ERBB4: variants seen among roughly 807,000 people sequenced by gnomAD.
The protein encoded by ERBB4 is erb-b2 receptor tyrosine kinase 4, also known as receptor tyrosine-protein kinase erbB-4.
Under a neutral mutation model 158.0 loss-of-function variants are expected in ERBB4, and 42 were observed. The ratio of observed to expected loss-of-function variants is 0.27; its 90% confidence interval spans 0.21 to 0.34. ERBB4 has a LOEUF of 0.34. ERBB4 is among the 10% of genes least tolerant of loss of function. The probability of loss-of-function intolerance (pLI) is 1.00; values close to 1 mark genes in which losing one functional copy is unlikely to be tolerated. For missense variants in ERBB4, 1,333 were observed against 1,624.1 expected, an observed-to-expected ratio of 0.82 and a Z score of 3.08; for synonymous variants, 583 against 558.7, an observed-to-expected ratio of 1.04 and a Z score of -0.61.
At chr2:212,130,293 T>C (rs2080071264) in intron 1 of ERBB4, among the ~76,000 whole-genome samples, 1 of 152,166 alleles carries the variant, frequency 6.6e-6, no homozygotes, top group Non-Finnish European at 1.5e-5. Context: ...GGAGTAAAGC[T>C]GGATGTGAGG....
At chr2:211,810,438 T>C (rs975509230) in intron 3 of ERBB4, among the ~76,000 whole-genome samples, 2 of 152,206 alleles carry the variant, frequency 1.3e-5, no homozygotes, top group African/African-American at 4.8e-5. Context: ...CCTTTACCAT[T>C]ATGTAATGGC....
At chr2:211,936,327 T>C (rs1436079508) in intron 3 of ERBB4, among the ~76,000 whole-genome samples, 1 of 152,062 alleles carries the variant, frequency 6.6e-6, no homozygotes, top group Non-Finnish European at 1.5e-5. Context: ...TCAACACTAC[T>C]AATAATATAA....
At chr2:211,413,481 C>CAAAG (rs1050677044) in intron 25 of ERBB4, among the ~76,000 whole-genome samples, 1 of 152,018 alleles carries the variant, frequency 6.6e-6, no homozygotes, top group African/African-American at 2.4e-5. Flanking sequence ...AGCATCATGT[C>CAAAG]AAAGATACCA....
chr2:212,487,680 G>C (rs1233167267), intron 1 of ERBB4, among the ~76,000 whole-genome samples: 3 of 151,564 alleles, frequency 2.0e-5, no homozygotes, highest in African/African-American at 4.8e-5. Flanking sequence ...AGAAATGAGA[G>C]GCTAAAGGAA....
intron 20 of ERBB4, among the ~76,000 whole-genome samples, chr2:211,496,235 T>G (rs190558519): frequency 4.1e-4 from 63 of 152,130 alleles, no homozygotes; most frequent in Non-Finnish European, 7.9e-4. Flanking sequence ...TATATACTGT[T>G]TCTAGGTTTT....
At chr2:211,996,599 A>G (rs1027429995) in intron 2 of ERBB4, among the ~76,000 whole-genome samples, 3 of 152,196 alleles carry the variant, frequency 2.0e-5, no homozygotes, top group Non-Finnish European at 4.4e-5. Flanking sequence ...AATTAAAAAA[A>G]TTAAAAATAT....
chr2:211,424,112 T>C lies in ERBB4; in HGVS notation c.2866+43A>G, dbSNP rs762936857. ...GATTGAGTAATCTCTGCTATTACTT[T>C]ACTAAGAATGATGATGGTGATAACA... On this transcript the variant is annotated intron_variant, in intron 23 of 27. Coordinates refer to ENST00000342788, the MANE Select transcript of ERBB4 (RefSeq NM_005235.3). 1.9e-6 allele frequency: 3 copies of C among 1,578,422 alleles called. No individual in the cohort carries two copies. In the South Asian group the frequency reaches 3.3e-5, roughly 17 times the overall value.
intron 9 of ERBB4, among the ~76,000 whole-genome samples, chr2:211,709,104 T>C (rs2073568183): frequency 6.6e-6 from 1 of 152,004 alleles, no homozygotes; most frequent in Non-Finnish European, 1.5e-5. Flanking sequence ...CCCATAAACT[T>C]GTAAATGCAT....
At chr2:212,321,062 T>C (rs975073644) in intron 1 of ERBB4, among the ~76,000 whole-genome samples, 1 of 150,312 alleles carries the variant, frequency 6.7e-6, no homozygotes, top group African/African-American at 2.4e-5. Flanking sequence ...TAATATGAGA[T>C]AATCACAGTG....
chr2:212,538,142 C>T (rs1490583486), intron 1 of ERBB4, among the ~76,000 whole-genome samples: 1 of 152,182 alleles, frequency 6.6e-6, no homozygotes, highest in Non-Finnish European at 1.5e-5. Flanking sequence ...CTCCCATGTC[C>T]CGAACAACAG....
At chr2:211,580,811 TAA>T (rs2068055264) in intron 19 of ERBB4, among the ~76,000 whole-genome samples, 2 of 52,390 alleles carry the variant, frequency 3.8e-5, no homozygotes, top group Non-Finnish European at 5.9e-5. Flanking sequence ...TATATATATA[TAA>T]TATATATATA....
At chr2:212,264,494 A>T (rs1335759942) in intron 1 of ERBB4, among the ~76,000 whole-genome samples, 1 of 152,108 alleles carries the variant, frequency 6.6e-6, no homozygotes, top group Non-Finnish European at 1.5e-5. Context: ...TGGGCTCTAC[A>T]GACAAGAACT....
intron 20 of ERBB4, among the ~76,000 whole-genome samples, chr2:211,479,240 A>C (rs2065027080): frequency 3.9e-5 from 6 of 152,144 alleles, no homozygotes; most frequent in Admixed American, 3.9e-4. Context: ...TCATACTCTG[A>C]AAACCACTGC....
At position 212,310,819 on chromosome 2, in the gene ERBB4, G is replaced by C. The variant is rs77952213; in HGVS notation, c.83-185916C>G. Among the ~76,000 whole-genome samples the C allele has an allele frequency of 2.5e-4, 38 of 150,352 alleles. No homozygotes were observed. In the East Asian group the frequency reaches 6.3e-3, roughly 25 times the overall value. Reference sequence around the variant, plus strand: ...GTTCATACAGCACCAGTGTCTGGTAGAAGTAGAATGTAAAATGTTCTCGCA... The same window carrying C: ...GTTCATACAGCACCAGTGTCTGGTACAAGTAGAATGTAAAATGTTCTCGCA... On this transcript the variant is annotated intron_variant, in intron 1 of 27. Coordinates refer to ENST00000342788, the MANE Select transcript of ERBB4 (RefSeq NM_005235.3).
intron 2 of ERBB4, among the ~76,000 whole-genome samples, chr2:211,956,532 T>C (rs2081038492): frequency 6.6e-6 from 1 of 152,078 alleles, no homozygotes. Context: ...CTTATTGACC[T>C]TGCGCAAATT....
At chr2:212,095,005 T>A (rs2078886583) in intron 2 of ERBB4, among the ~76,000 whole-genome samples, 1 of 152,156 alleles carries the variant, frequency 6.6e-6, no homozygotes, top group Admixed American at 6.5e-5. Flanking sequence ...TTTCTGATAC[T>A]GTTTTTTTTT....
In ERBB4 at chr2:212,139,302, C is replaced by T. The variant is rs1030166688; in HGVS notation, c.83-14399G>A. On this transcript the variant is annotated intron_variant, in intron 1 of 27. Transcript: ENST00000342788. ...ATATTTAAAACAACACACACACACA[C>T]GCACATGTGCACATACACATACATA... Among the ~76,000 whole-genome samples the T allele has an allele frequency of 1.5e-4, 23 of 152,034 alleles. 1 individual carries two copies. Among genetic ancestry groups the T allele is most frequent in the African/African-American group, 2.9e-4 (12 of 41,418 alleles).
intron 20 of ERBB4, among the ~76,000 whole-genome samples, chr2:211,523,813 G>A (rs900162797): frequency 3.3e-5 from 5 of 152,200 alleles, no homozygotes; most frequent in African/African-American, 1.2e-4. Context: ...GGTTGCCATT[G>A]CTGGCTTGGG....
At chr2:212,521,051 A>G (rs1437377376) in intron 1 of ERBB4, among the ~76,000 whole-genome samples, 1 of 152,004 alleles carries the variant, frequency 6.6e-6, no homozygotes, top group Non-Finnish European at 1.5e-5. Context: ...ATTCTGCTCT[A>G]GCATGCAGAA....
Sources: gnomAD v4.1 joint callset for allele counts (sites outside exome capture counted in the v4.1 genomes callset) on GRCh38, gnomAD v4.1.1 for gene constraint, MANE v1.5 for transcripts, NCBI Gene and HGNC (gene_info 2026-07-23, HGNC 2026-07-21) for gene names.